DSCAM: variants seen among roughly 807,000 people sequenced by gnomAD.
DSCAM encodes the protein cell adhesion molecule DSCAM.
Under a neutral mutation model 217.7 loss-of-function variants are expected in DSCAM, and 47 were observed. The ratio of observed to expected loss-of-function variants is 0.22; its 90% CI spans 0.17 to 0.28. The LOEUF (loss-of-function observed/expected upper bound fraction) is 0.28, where lower values mean the gene tolerates loss of function less well. Ranked by LOEUF, DSCAM falls within the 10% of genes least tolerant of loss-of-function variation. The probability of loss-of-function intolerance (pLI) is 1.00; values close to 1 mark genes in which losing one functional copy is unlikely to be tolerated. For synonymous variants in DSCAM, 1,056 were observed against 1,015.3 expected, an observed-to-expected ratio of 1.04 and a Z score of -0.76; for missense variants, 2,080 against 2,618.3, an observed-to-expected ratio of 0.79 and a Z score of 4.49.
chr21:40,224,525 T>A (rs1465768271), intron 11 of DSCAM, among the ~76,000 whole-genome samples: 1 of 152,218 alleles, frequency 6.6e-6, no homozygotes, highest in Non-Finnish European at 1.5e-5. Flanking sequence ...TGGGAAGAGC[T>A]CTATGATGGG....
chr21:40,267,977 A>G (rs2073563151), intron 11 of DSCAM, among the ~76,000 whole-genome samples: 1 of 152,214 alleles, frequency 6.6e-6, no homozygotes, highest in Non-Finnish European at 1.5e-5. Context: ...ATGCGTATAT[A>G]CACAAGTATA....
At chr21:40,041,798 C>G (rs2088755600) in intron 32 of DSCAM, among the ~76,000 whole-genome samples, 1 of 152,170 alleles carries the variant, frequency 6.6e-6, no homozygotes, top group South Asian at 2.1e-4. Context: ...GACCTCTCCC[C>G]TTTCAGAAGC....
At chr21:40,616,965 C>T (rs1300104783) in intron 3 of DSCAM, among the ~76,000 whole-genome samples, 10 of 134,970 alleles carry the variant, frequency 7.4e-5, no homozygotes, top group South Asian at 2.4e-4. Context: ...TGCAGTGAGC[C>T]GAGATCCCGC....
At chr21:40,369,352 A>C in intron 3 of DSCAM, 107 bp from the exon 4 acceptor site, 1 of 1,158,828 alleles carries the variant, frequency 8.6e-7, no homozygotes, top group Non-Finnish European at 1.2e-6. Flanking sequence ...GAAGAAACTT[A>C]ATGAAAAGGC....
At chr21:40,733,982 G>A (rs182835084) in intron 1 of DSCAM, among the ~76,000 whole-genome samples, 3 of 152,306 alleles carry the variant, frequency 2.0e-5, no homozygotes, top group East Asian at 3.9e-4. Flanking sequence ...TAGGCAGGGA[G>A]CTGGGGTGTC....
intron 1 of DSCAM, among the ~76,000 whole-genome samples, chr21:40,737,594 T>C (rs2091077860): frequency 6.6e-6 from 1 of 152,130 alleles, no homozygotes; most frequent in Non-Finnish European, 1.5e-5. Context: ...TGAGCCGAGA[T>C]TGCACCACTT....
chr21:40,651,529 AATTTCCATCCCTCTG>A (rs2090013989), intron 3 of DSCAM, among the ~76,000 whole-genome samples: 1 of 152,194 alleles, frequency 6.6e-6, no homozygotes, highest in East Asian at 1.9e-4. Context: ...TCTCATCAAT[AATTTCCATCCCTCTG>A]ATTTACACCT....
intron 3 of DSCAM, among the ~76,000 whole-genome samples, chr21:40,605,435 C>A (rs73905004): frequency 0.017 from 2,519 of 152,236 alleles, 60 homozygotes; most frequent in African/African-American, 0.058. Flanking sequence ...TGGGTGCCCT[C>A]GCTGAAAATC....
intron 3 of DSCAM, among the ~76,000 whole-genome samples, chr21:40,651,687 C>T (rs937636720): frequency 6.6e-6 from 1 of 152,170 alleles, no homozygotes; most frequent in Non-Finnish European, 1.5e-5. Flanking sequence ...GCTGCAGAGT[C>T]TTATATCTTA....
At chr21:40,274,987 G>C (rs939254255) in intron 11 of DSCAM, among the ~76,000 whole-genome samples, 4 of 151,910 alleles carry the variant, frequency 2.6e-5, no homozygotes, top group African/African-American at 9.7e-5. Flanking sequence ...ATATAGTAGA[G>C]ACTTTTCCAA....
intron 1 of DSCAM, among the ~76,000 whole-genome samples, chr21:40,822,204 A>G (rs1309451257): frequency 6.7e-6 from 1 of 150,302 alleles, no homozygotes; most frequent in Admixed American, 6.7e-5. Flanking sequence ...CTGTAGTCCC[A>G]GCTACTCGGG....
chr21:40,054,954 T>C (rs138615697), intron 29 of DSCAM, among the ~76,000 whole-genome samples: 1,569 of 152,322 alleles, frequency 0.01, 12 homozygotes, highest in Middle Eastern at 0.017. Context: ...TATGTGACAT[T>C]TACAGAATTC....
At chr21:40,074,366 T>G (rs908937576) in intron 27 of DSCAM, among the ~76,000 whole-genome samples, 2 of 152,172 alleles carry the variant, frequency 1.3e-5, no homozygotes, top group African/African-American at 2.4e-5. Context: ...AGTTTCATAT[T>G]TGAAATAACT....
intron 3 of DSCAM, among the ~76,000 whole-genome samples, chr21:40,596,106 G>A (rs184778487): frequency 1.3e-5 from 2 of 152,334 alleles, no homozygotes; most frequent in African/African-American, 4.8e-5. Context: ...CTGGGGGTAA[G>A]CCTTAAAATG....
At chr21:40,020,082 G>A (rs1321498616) in intron 32 of DSCAM, among the ~76,000 whole-genome samples, 1 of 152,164 alleles carries the variant, frequency 6.6e-6, no homozygotes, top group East Asian at 1.9e-4. Context: ...TGTTGTAGGA[G>A]GGACCCAGTG....
chr21:40,344,868 A>G (rs1199610466), intron 6 of DSCAM, among the ~76,000 whole-genome samples: 3 of 151,980 alleles, frequency 2.0e-5, no homozygotes, highest in Non-Finnish European at 2.9e-5. Context: ...TGCATTCCGT[A>G]TCTCCTATTT....
intron 9 of DSCAM, among the ~76,000 whole-genome samples, chr21:40,304,175 T>C (rs1281193077): frequency 6.6e-6 from 1 of 152,220 alleles, no homozygotes; most frequent in Non-Finnish European, 1.5e-5. Context: ...TGTTTTCTTA[T>C]ATTTTCTTCA....
intron 3 of DSCAM, among the ~76,000 whole-genome samples, chr21:40,427,831 AG>A (rs1254771034): frequency 1.3e-5 from 2 of 152,208 alleles, no homozygotes; most frequent in Non-Finnish European, 2.9e-5. Context: ...CTTTGATTGA[AG>A]ATGTCATCCA....
At chr21:40,296,686 C>T (rs1056943921) in intron 9 of DSCAM, among the ~76,000 whole-genome samples, 5 of 151,872 alleles carry the variant, frequency 3.3e-5, no homozygotes, top group African/African-American at 1.2e-4. Context: ...ACAAAATTAG[C>T]TGGGTGTGGT....
Sources: gnomAD v4.1 joint callset for allele counts (sites outside exome capture counted in the v4.1 genomes callset) on GRCh38, gnomAD v4.1.1 for gene constraint, MANE v1.5 for transcripts, NCBI Gene and HGNC (gene_info 2026-07-23, HGNC 2026-07-21) for gene names.